Variants in CDK11B observed in about 807,000 individuals in gnomAD.
The protein encoded by CDK11B is cyclin dependent kinase 11B.
CDK11B carries 37 observed loss-of-function variants against 84.0 expected under a neutral mutation model. The ratio of observed to expected loss-of-function variants is 0.44; its 90% confidence interval spans 0.34 to 0.58. The LOEUF (loss-of-function observed/expected upper bound fraction) is 0.58, where lower values mean the gene tolerates loss of function less well. Ranked by LOEUF, CDK11B falls within the 20% of genes least tolerant of loss-of-function variation. The pLI, the probability that CDK11B is intolerant of heterozygous loss-of-function variation, is 0.02. For missense variants in CDK11B, 427 were observed against 834.0 expected (o/e 0.51, Z 6.01); for synonymous variants, 269 against 309.8 (o/e 0.87, Z 1.38).
chr1:1,649,263 C>G (rs1641583956), intron 5 of CDK11B, among the ~76,000 whole-genome samples: 1 of 152,088 alleles, frequency 6.6e-6, no homozygotes, highest in Non-Finnish European at 1.5e-5. Context: ...CCATGCCCAG[C>G]TAATTTTTTG....
chr1:1,640,601 AC>A, intron 10 of CDK11B, 149 bp from the exon 11 acceptor site: 2 of 968,792 alleles, frequency 2.1e-6, no homozygotes, highest in Non-Finnish European at 3.1e-6. Context: ...GACACAGGGC[AC>A]CGAGGCCTAA....
chr1:1,658,169 AG>A lies in CDK11B; in HGVS notation c.-13-672del, dbSNP rs1459974420. On this transcript the variant is annotated intron_variant, in intron 1 of 19. Coordinates refer to ENST00000341832, the MANE Select transcript of CDK11B (RefSeq NM_033486.3). The stretch of plus-strand genomic sequence containing the variant: ...AGCAAGACCCCGTCTCAAAAAAAAA[AG>A]AAAAAAAAACAAGAATGATAAGTTG... 2.8e-3 allele frequency among the ~76,000 whole-genome samples: 410 copies of A among 148,672 alleles called. 2 individuals carry two copies. The highest frequency in any genetic ancestry group is 0.01 in the African/African-American group (396 of 38,340).
At chr1:1,653,906 G>C (rs113068533) in intron 3 of CDK11B, among the ~76,000 whole-genome samples, 1 of 151,548 alleles carries the variant, frequency 6.6e-6, no homozygotes, top group South Asian at 2.1e-4. Context: ...CTACTCAGGA[G>C]TCTGAGGCAG....
At chr1:1,641,377 C>T (rs1387326734) in intron 9 of CDK11B, among the ~76,000 whole-genome samples, 5 of 148,098 alleles carry the variant, frequency 3.4e-5, no homozygotes, top group South Asian at 2.1e-4. Flanking sequence ...GGCGTGCTGG[C>T]GCACACCTGT....
rs534467974 is a variant in CDK11B at position 1,646,427 on chromosome 1, G to A, written c.495-1165C>T. 257 of 519,946 alleles carry A rather than the reference G, an allele frequency of 4.9e-4. 2 individuals carry two copies. The highest frequency in any genetic ancestry group is 3.5e-3 in the South Asian group (252 of 71,558). The allele number at this position is 519,946 out of a possible 1,614,324, so 32.2% of individuals were successfully genotyped here. A position where few individuals can be genotyped will look rare whatever the true frequency, so the allele number is the denominator to read the frequency against. On this transcript the variant is annotated intron_variant, in intron 5 of 19. Transcript: ENST00000341832. ...GCCTCATGATACTAGCTCAAGTCCA[G>A]TACAATATAAAACTGTTGTAACACA...
intron 2 of CDK11B, 24 bp from the exon 3 acceptor site, chr1:1,655,508 T>C (rs774110781): frequency 1.5e-5 from 24 of 1,570,156 alleles, no homozygotes; most frequent in Non-Finnish European, 2.1e-5. Context: ...AGAAAGTTAA[T>C]CATTTTCTTT....
At chr1:1,644,099 C>G (rs1331186837) in intron 6 of CDK11B, among the ~76,000 whole-genome samples, 1 of 152,282 alleles carries the variant, frequency 6.6e-6, no homozygotes, top group Non-Finnish European at 1.5e-5. Flanking sequence ...ATCAGGTCAT[C>G]AGATTAAAGC....
chr1:1,639,732 C>T (rs1326971327), intron 11 of CDK11B, among the ~76,000 whole-genome samples: 2 of 152,052 alleles, frequency 1.3e-5, no homozygotes, highest in African/African-American at 4.8e-5. Flanking sequence ...GGGGCCGAGT[C>T]CCTGCCGGTC....
intron 10 of CDK11B, 43 bp from the exon 11 acceptor site, chr1:1,640,495 G>C: frequency 4.3e-6 from 7 of 1,613,680 alleles, no homozygotes; most frequent in Non-Finnish European, 5.9e-6. Context: ...AGTAAGCAAG[G>C]ATCATGAACC....
intron 12 of CDK11B, 81 bp from the exon 13 acceptor site, chr1:1,637,964 A>G (rs1639636625): frequency 6.3e-7 from 1 of 1,581,326 alleles, no homozygotes; most frequent in East Asian, 2.2e-5. Context: ...TGAGGACCGC[A>G]GGCAGTGCCC....
rs776479657 is a variant in CDK11B, at chr1:1,636,920, G to A, written c.1777C>T (p.Pro593Ser). The change falls in exon 16 of 20, where the codon CCA becomes TCA. Residue 593 changes from proline (P) to serine (S), a missense_variant. Pro to Ser is a moderately conservative substitution (Grantham distance 74). Coordinates refer to ENST00000341832, the MANE Select transcript of CDK11B (RefSeq NM_033486.3). ...ACCTTGGCACCAAGCAGCAGCTCTG[G>A]GGCGCGGTACCACAGGGTCACCACG... ...PVVVTLWYRA[P>S]ELLLGAKEYS... 1 of 1,606,272 alleles carries A rather than the reference G, an allele frequency of 6.2e-7. No individual in the cohort carries two copies.
chr1:1,652,256 C>T lies in CDK11B; in HGVS notation c.355+183G>A, dbSNP rs1182872071. ...TCTCTGGTTTTCGGTCTGTGACGCA[C>T]GCATGCTTTTAGCTAGAGTATTCTC... On this transcript the variant is annotated intron_variant, in intron 4 of 19. Transcript: ENST00000341832. Among the ~76,000 whole-genome samples, 15 of 152,098 alleles carry T rather than the reference C, an allele frequency of 9.9e-5. No individual in the cohort carries two copies. The South Asian group carries it at 2.1e-3, about 21-fold the overall frequency.
At chr1:1,649,416 T>G in intron 5 of CDK11B, 83 bp downstream of exon 5, 4 of 1,106,198 alleles carry the variant, frequency 3.6e-6, no homozygotes, top group South Asian at 1.3e-5. Flanking sequence ...GTGACTTCTA[T>G]TGCCAAATTC....
At chr1:1,654,661 C>T (rs199733526) in intron 3 of CDK11B, among the ~76,000 whole-genome samples, 16 of 126,174 alleles carry the variant, frequency 1.3e-4, no homozygotes, top group African/African-American at 3.7e-4. Flanking sequence ...TCTTTTTTTT[C>T]CTTTTTTTTT....
rs561872754 is a variant in CDK11B at position 1,658,918 on chromosome 1, A to ACGCCGCCGCCGCTGCCGCCGC, written c.-39_-19dup. 1.0e-5 allele frequency: 2 copies of ACGCCGCCGCCGCTGCCGCCGC among 192,078 alleles called. No individual in the cohort carries two copies. Among genetic ancestry groups the ACGCCGCCGCCGCTGCCGCCGC allele is most frequent in the Non-Finnish European group, 2.1e-5 (2 of 93,640 alleles). 11.9% of individuals were successfully genotyped at this position (192,078 alleles called of 1,614,324 possible). A position where few individuals can be genotyped will look rare whatever the true frequency, so the allele number is the denominator to read the frequency against. On this transcript the variant is annotated 5_prime_UTR_variant, in exon 1 of 20. Coordinates refer to ENST00000341832, the MANE Select transcript of CDK11B (RefSeq NM_033486.3). ...GTCCGCCCAGTCGGAACTCACCCCT[A>ACGCCGCCGCCGCTGCCGCCGC]CGCCGCCGCCGCTGCCGCCGCCGCC...
intron 3 of CDK11B, among the ~76,000 whole-genome samples, chr1:1,654,652 C>T (rs916866775): frequency 7.7e-6 from 1 of 129,254 alleles, no homozygotes; most frequent in Non-Finnish European, 1.8e-5. Flanking sequence ...TGTGCAAAAT[C>T]TTTTTTTTCC....
chr1:1,639,087 C>T (rs1411163811), intron 11 of CDK11B, among the ~76,000 whole-genome samples: 6 of 151,390 alleles, frequency 4.0e-5, no homozygotes, highest in Admixed American at 2.0e-4. Flanking sequence ...AGTATAGGTA[C>T]GCACCACCAC....
intron 6 of CDK11B, among the ~76,000 whole-genome samples, chr1:1,643,510 C>T (rs1640566006): frequency 6.7e-6 from 1 of 149,488 alleles, no homozygotes; most frequent in South Asian, 2.1e-4. Context: ...GACACGGTTC[C>T]TGAAAATCAC....
At chr1:1,640,955 G>C in intron 10 of CDK11B, 93 bp downstream of exon 10, 1 of 1,590,354 alleles carries the variant, frequency 6.3e-7, no homozygotes, top group Non-Finnish European at 8.6e-7. Context: ...ACCCTGGCGT[G>C]CCCCACGCTG....
Sources: gnomAD v4.1 joint callset for allele counts (sites outside exome capture counted in the v4.1 genomes callset) on GRCh38, gnomAD v4.1.1 for gene constraint, MANE v1.5 for transcripts, NCBI Gene and HGNC (gene_info 2026-07-23, HGNC 2026-07-21) for gene names.